ELF4: variants seen among roughly 807,000 people sequenced by gnomAD.
ELF4 encodes ETS-related transcription factor Elf-4.
A neutral mutation model predicts 31.7 loss-of-function variants in ELF4; 10 were observed. The observed-to-expected ratio is 0.32, with a 90% CI of 0.19 to 0.54. The LOEUF is 0.54. ELF4 is among the 20% of genes least tolerant of loss of function. The probability of loss-of-function intolerance (pLI) is 0.95; values close to 1 mark genes in which losing one functional copy is unlikely to be tolerated. For missense variants in ELF4, 418 were observed against 522.0 expected (o/e 0.80, Z 1.94); for synonymous variants, 208 against 226.7 (o/e 0.92, Z 0.74).
intron 1 of ELF4, among the ~76,000 whole-genome samples, chrX:130,106,164 A>G (rs1933375727): frequency 2.0e-5 from 2 of 99,841 alleles, no homozygotes; most frequent in African/African-American, 7.5e-5. Context: ...TCCCCCCTTC[A>G]AGGTCTAGCC....
In ELF4 at chrX:130,069,735, T is replaced by C. The variant is rs3818328; in HGVS notation, c.810-58A>G. 26,527 of 1,194,783 alleles carry C rather than the reference T, an allele frequency of 0.022. 1,731 individuals carry two copies. In the African/African-American group the frequency reaches 0.28, roughly 13 times the overall value. ...GCCGGGAGCTGGGTGGGAGACCTTCTACCTCCATCTCCCCAGTGCTCCTCC... is the reference window on the plus strand; with the variant it reads ...GCCGGGAGCTGGGTGGGAGACCTTCCACCTCCATCTCCCCAGTGCTCCTCC... On this transcript the variant is annotated intron_variant, in intron 7 of 8. Transcript: ENST00000308167.
At position 130,086,896 on chromosome X, in the gene ELF4, C is replaced by T. The variant is rs752037932; in HGVS notation, c.-209-5357G>A. Among the ~76,000 whole-genome samples the T allele has an allele frequency of 3.6e-5, 4 of 111,676 alleles. No homozygotes were observed. In the East Asian group the frequency reaches 1.1e-3, roughly 32 times the overall value. ...TGGGTGGCAAGGGGCTGACTCCTTGCCTGGGCTGGGGACCTGGCAGGGAGG... is the reference window on the plus strand; with the variant it reads ...TGGGTGGCAAGGGGCTGACTCCTTGTCTGGGCTGGGGACCTGGCAGGGAGG... On this transcript the variant is annotated intron_variant, in intron 1 of 8. Transcript: ENST00000308167.
At chrX:130,080,122 C>A (rs1181499429) in intron 2 of ELF4, among the ~76,000 whole-genome samples, 2 of 111,426 alleles carry the variant, frequency 1.8e-5, no homozygotes, top group Admixed American at 1.9e-4. Flanking sequence ...GGGGAAACAG[C>A]AGTCAGATAG....
rs1366887303 is a variant in ELF4, at chrX:130,083,792, ATGGGTGGATGGG to A, written c.-209-2265_-209-2254del. Reference sequence around the variant, plus strand: ...GTTTGTGGAATGAATGAAGGGATGAATGGGTGGATGGGTGGGTGGGTGGATGGCTGGATGGAT... The same window carrying A: ...GTTTGTGGAATGAATGAAGGGATGAATGGGTGGGTGGATGGCTGGATGGAT... On this transcript the variant is annotated intron_variant, in intron 1 of 8. Coordinates refer to ENST00000308167, the MANE Select transcript of ELF4 (RefSeq NM_001421.4). Among the ~76,000 whole-genome samples the A allele has an allele frequency of 4.8e-5, 5 of 105,055 alleles. No individual in the cohort carries two copies. In the Admixed American group the frequency reaches 5.2e-4, roughly 11 times the overall value. The allele number at this position is 105,055 out of a possible 115,157, so 91.2% of individuals were successfully genotyped here.
intron 4 of ELF4, 78 bp downstream of exon 4, chrX:130,073,970 GA>G (rs1932810626): frequency 9.3e-7 from 1 of 1,070,187 alleles, no homozygotes; most frequent in African/African-American, 1.8e-5. Flanking sequence ...ACATGCCTGA[GA>G]AACCAATACA....
intron 1 of ELF4, among the ~76,000 whole-genome samples, chrX:130,083,792 ATGGGTGGATGGGTGGG>A (rs1932920042): frequency 9.5e-6 from 1 of 105,055 alleles, no homozygotes; most frequent in Non-Finnish European, 1.9e-5. Context: ...GAAGGGATGA[ATGGGTGGATGGGTGGG>A]TGGGTGGATG....
At chrX:130,072,444 C>T (rs1388508514) in intron 4 of ELF4, 27 bp from the exon 5 acceptor site, 3 of 1,208,239 alleles carry the variant, frequency 2.5e-6, no homozygotes, top group Admixed American at 2.2e-5. Flanking sequence ...CTGAGGTGGG[C>T]GGGGCCCAGG....
At chrX:130,085,217 C>T (rs1421047153) in intron 1 of ELF4, among the ~76,000 whole-genome samples, 1 of 111,964 alleles carries the variant, frequency 8.9e-6, no homozygotes, top group African/African-American at 3.2e-5. Context: ...TGACTCCCAG[C>T]GCCTGTCTTA....
At chrX:130,103,434 T>C (rs1044296210) in intron 1 of ELF4, among the ~76,000 whole-genome samples, 1 of 112,352 alleles carries the variant, frequency 8.9e-6, no homozygotes, top group Non-Finnish European at 1.9e-5. Context: ...GAAAAGATGT[T>C]CAACATCATC....
Position 130,066,623 on chromosome X carries a change from C to T in ELF4, c.*98G>A, listed in dbSNP as rs1453356328. On this transcript the variant is annotated 3_prime_UTR_variant, in exon 9 of 9. Transcript: ENST00000308167. ...ACTTGGGGTCAAGTGTATTGACATC[C>T]CACTGAAATGCAGGGGCAGGTGTGC... 7 of 915,740 alleles carry T rather than the reference C, an allele frequency of 7.6e-6. No individual in the cohort carries two copies. 75.5% of individuals were successfully genotyped at this position (915,740 alleles called of 1,213,427 possible).
In ELF4 at chrX:130,064,408, A is replaced by G. The variant is rs1413227126; in HGVS notation, c.*2313T>C. ...AACCGAGATTGCACCACTGCACTCC[A>G]GCCGACAGAGCAAGACTCTGACTCA... On this transcript the variant is annotated 3_prime_UTR_variant, in exon 9 of 9. Coordinates refer to ENST00000308167, the MANE Select transcript of ELF4 (RefSeq NM_001421.4). Among the ~76,000 whole-genome samples the G allele has an allele frequency of 8.9e-6, 1 of 112,372 alleles. No individual in the cohort carries two copies. Among genetic ancestry groups the G allele is most frequent in the Non-Finnish European group, 1.9e-5 (1 of 53,291 alleles).
chrX:130,098,886 C>A (rs2124631658), intron 1 of ELF4, among the ~76,000 whole-genome samples: 1 of 112,001 alleles, frequency 8.9e-6, no homozygotes, highest in African/African-American at 3.2e-5. Flanking sequence ...TGACCAAGCC[C>A]CAGACTAGGC....
intron 1 of ELF4, among the ~76,000 whole-genome samples, chrX:130,095,178 G>A (rs768014446): frequency 3.6e-5 from 4 of 112,291 alleles, no homozygotes; most frequent in East Asian, 2.8e-4. Context: ...AGGTGGCAGG[G>A]ATGTGTAGTT....
intron 1 of ELF4, among the ~76,000 whole-genome samples, chrX:130,108,732 C>A (rs778955924): frequency 3.1e-4 from 34 of 110,478 alleles, no homozygotes; most frequent in African/African-American, 1.1e-3. Context: ...GAATGCCAGA[C>A]ATAGTTGCAA....
intron 1 of ELF4, among the ~76,000 whole-genome samples, chrX:130,096,464 G>A (rs891739678): frequency 9.0e-6 from 1 of 111,195 alleles, no homozygotes; most frequent in Non-Finnish European, 1.9e-5. Flanking sequence ...GGTGATAGGC[G>A]TCAGCCACCA....
Position 130,067,487 on chromosome X carries a change from G to A in ELF4, c.1226C>T (p.Ala409Val), listed in dbSNP as rs772030144. ...CAGGGCCGAGCCCGACCCCACGGGGGCCACTCCTAGGTGGATGTTGCTGGG... is the reference window on the plus strand; with the variant it reads ...CAGGGCCGAGCCCGACCCCACGGGGACCACTCCTAGGTGGATGTTGCTGGG... ...SVPSNIHLGVAPVGSGSALTL... is the reference protein window; with the variant it reads ...SVPSNIHLGVVPVGSGSALTL... Residue 409 changes from alanine to valine, a missense_variant, in exon 9 of 9, where the codon GCC becomes GTC. By Grantham distance (64) the Ala-to-Val change is moderately conservative. Transcript: ENST00000308167. 8.3e-7 allele frequency: 1 copy of A among 1,210,459 alleles called. No homozygotes were observed. Among genetic ancestry groups the A allele is most frequent in the African/African-American group, 1.7e-5 (1 of 57,311 alleles).
At chrX:130,107,356 G>A (rs1325344524) in intron 1 of ELF4, among the ~76,000 whole-genome samples, 2 of 111,819 alleles carry the variant, frequency 1.8e-5, no homozygotes, top group Non-Finnish European at 3.8e-5. Flanking sequence ...GCAAGACTCT[G>A]TGTGTGGGGA....
At chrX:130,071,513 G>A in intron 5 of ELF4, 94 bp from the exon 6 acceptor site, 1 of 899,129 alleles carries the variant, frequency 1.1e-6, no homozygotes, top group Admixed American at 2.4e-5. Context: ...CAAGGAGGAG[G>A]CAGGTCACCA....
At chrX:130,100,893 G>A (rs973811631) in intron 1 of ELF4, among the ~76,000 whole-genome samples, 1 of 112,170 alleles carries the variant, frequency 8.9e-6, no homozygotes, top group African/African-American at 3.2e-5. Flanking sequence ...TGAGACCACA[G>A]GTCCTGATAG....
Sources: gnomAD v4.1 joint callset for allele counts (sites outside exome capture counted in the v4.1 genomes callset) on GRCh38, gnomAD v4.1.1 for gene constraint, MANE v1.5 for transcripts, NCBI Gene and HGNC (gene_info 2026-07-23, HGNC 2026-07-21) for gene names.